RAB21: variants seen among roughly 807,000 people sequenced by gnomAD.
The protein encoded by RAB21 is ras-related protein Rab-21.
RAB21 carries 13 observed loss-of-function variants against 33.1 expected under a neutral mutation model. That is an observed-to-expected ratio of 0.39 (90% confidence interval 0.26 to 0.62). RAB21 has a LOEUF of 0.62. Among genes scored for constraint, RAB21 ranks in the 20% least tolerant of loss-of-function variants. The pLI is 0.48. For synonymous variants in RAB21, 91 were observed against 103.7 expected (o/e 0.88, Z 0.74); for missense variants, 234 against 279.1 (o/e 0.84, Z 1.15).
At chr12:71,782,135 C>T in intron 5 of RAB21, 50 bp downstream of exon 5, 2 of 1,500,272 alleles carry the variant, frequency 1.3e-6, no homozygotes, top group Non-Finnish European at 1.8e-6. Context: ...TAGAAATCTT[C>T]CTCTTTATAC....
chr12:71,770,978 A>G (rs771211690), intron 3 of RAB21, among the ~76,000 whole-genome samples: 20 of 152,318 alleles, frequency 1.3e-4, no homozygotes, highest in Non-Finnish European at 2.1e-4. Context: ...GAAGGGAAAT[A>G]TTTGAAATTG....
chr12:71,786,063 G>GGCTAATTTTT lies in RAB21; in HGVS notation c.*391_*400dup, dbSNP rs1565896573. Reference sequence around the variant, plus strand: ...ACTATAGGCGCCCACCACGACGCCCGGCTAATTTTTTGTATTTTTAGTAGA... The same window carrying GGCTAATTTTT: ...ACTATAGGCGCCCACCACGACGCCCGGCTAATTTTTGCTAATTTTTTGTATTTTTAGTAGA... On this transcript the variant is annotated 3_prime_UTR_variant, in exon 7 of 7. Transcript: ENST00000261263. The GGCTAATTTTT allele has an allele frequency of 1.3e-5, 2 of 155,966 alleles. No individual in the cohort carries two copies. The highest frequency in any genetic ancestry group is 4.8e-5 in the African/African-American group (2 of 41,432). 9.7% of individuals were successfully genotyped at this position (155,966 alleles called of 1,614,324 possible). A position where few individuals can be genotyped will look rare whatever the true frequency, so the allele number is the denominator to read the frequency against.
Position 71,782,068 on chromosome 12 carries a change from C to T in RAB21, c.429C>T (p.Ser143=). ...KIDLEKERHV[S]IQEAESYAES... The stretch of plus-strand genomic sequence containing the variant: ...ACTTGGAAAAGGAGAGACATGTTTC[C>T]ATTCAAGAAGCAGAGTCGTAAGTAC... Residue 143 remains serine (S), a synonymous_variant, in exon 5 of 7, where the codon TCC becomes TCT. Transcript: ENST00000261263. 6.2e-7 allele frequency: 1 copy of T among 1,607,762 alleles called. No homozygotes were observed. Among genetic ancestry groups the T allele is most frequent in the Non-Finnish European group, 8.5e-7 (1 of 1,174,678 alleles).
In RAB21 at chr12:71,755,174, C is replaced by T; in HGVS notation, c.45C>T (p.Gly15=). Residue 15 remains glycine, a synonymous_variant, in exon 1 of 7, where the codon GGC becomes GGT. Transcript: ENST00000261263. ...GCGGCGGCGGGGCGGCGGCGGCGGG[C>T]CGAGCCTACTCGTTCAAGGTGGTGC... ...GGGGGGAAAA[G]RAYSFKVVLL... 7.3e-7 allele frequency: 1 copy of T among 1,378,954 alleles called. No individual in the cohort carries two copies. The highest frequency in any genetic ancestry group is 9.4e-7 in the Non-Finnish European group (1 of 1,064,922). 85.4% of individuals were successfully genotyped at this position (1,378,954 alleles called of 1,614,324 possible). A position where few individuals can be genotyped will look rare whatever the true frequency, so the allele number is the denominator to read the frequency against.
At chr12:71,774,813 A>C (rs533379526) in intron 4 of RAB21, among the ~76,000 whole-genome samples, 1 of 152,018 alleles carries the variant, frequency 6.6e-6, no homozygotes, top group East Asian at 1.9e-4. Context: ...CAGGAGATTC[A>C]AACTCTAAGG....
chr12:71,782,596 A>G lies in RAB21; in HGVS notation c.473A>G (p.His158Arg). 1 of 1,602,732 alleles carries G rather than the reference A, an allele frequency of 6.2e-7. No homozygotes were observed. Among genetic ancestry groups the G allele is most frequent in the South Asian group, 1.1e-5 (1 of 89,652 alleles). ...TATGCAGAATCTGTGGGAGCAAAACATTATCATACTTCAGCCAAACAGAAC... is the reference window on the plus strand; with the variant it reads ...TATGCAGAATCTGTGGGAGCAAAACGTTATCATACTTCAGCCAAACAGAAC... ...ESYAESVGAK[H>R]YHTSAKQNKG... Residue 158 changes from histidine (H) to arginine (R), a missense_variant, in exon 6 of 7, where the codon CAT becomes CGT. Physicochemically the swap from His to Arg is conservative, Grantham distance 29. Transcript: ENST00000261263.
chr12:71,756,772 A>G (rs1882791459), intron 1 of RAB21, among the ~76,000 whole-genome samples: 2 of 152,234 alleles, frequency 1.3e-5, no homozygotes, highest in African/African-American at 4.8e-5. Flanking sequence ...TACTTAGGTA[A>G]AGTAGTAACA....
intron 6 of RAB21, among the ~76,000 whole-genome samples, chr12:71,784,315 T>C (rs536047579): frequency 1.3e-5 from 2 of 152,230 alleles, no homozygotes; most frequent in African/African-American, 4.8e-5. Flanking sequence ...AGGTCCAGTT[T>C]ATCTATTTTT....
chr12:71,768,776 A>G (rs146492634), intron 1 of RAB21, among the ~76,000 whole-genome samples: 241 of 152,328 alleles, frequency 1.6e-3, no homozygotes, highest in African/African-American at 5.5e-3. Context: ...GTTCAGTGCT[A>G]TACAGAAGAA....
intron 1 of RAB21, among the ~76,000 whole-genome samples, chr12:71,759,193 G>T (rs1276410452): frequency 6.6e-6 from 1 of 152,156 alleles, no homozygotes; most frequent in African/African-American, 2.4e-5. Context: ...TTTTAATTTG[G>T]ATTCTGTAAT....
At chr12:71,784,673 A>G (rs1054935705) in intron 6 of RAB21, among the ~76,000 whole-genome samples, 6 of 151,888 alleles carry the variant, frequency 4.0e-5, no homozygotes, top group Admixed American at 1.3e-4. Context: ...CCACTGATCT[A>G]TTTCTCCTAT....
At chr12:71,782,476 T>C in intron 5 of RAB21, 94 bp from the exon 6 acceptor site, 2 of 768,840 alleles carry the variant, frequency 2.6e-6, no homozygotes, top group Non-Finnish European at 4.1e-6. Flanking sequence ...TTGAGTAAAT[T>C]AATATGTCAC....
chr12:71,770,472 G>A, intron 2 of RAB21, 120 bp from the exon 3 acceptor site: 1 of 712,874 alleles, frequency 1.4e-6, no homozygotes. Flanking sequence ...TGTTAATAGG[G>A]TTTTGTGGTT....
intron 4 of RAB21, among the ~76,000 whole-genome samples, chr12:71,781,753 A>G (rs1035234037): frequency 6.6e-6 from 1 of 152,296 alleles, no homozygotes; most frequent in East Asian, 1.9e-4. Flanking sequence ...ATCCCCCAAA[A>G]TCAAAAAAGA....
Position 71,786,204 on chromosome 12 carries a change from A to G in RAB21, c.*531A>G, listed in dbSNP as rs1392960835. The G allele has an allele frequency of 6.5e-6, 1 of 152,732 alleles. No individual in the cohort carries two copies. Among genetic ancestry groups the G allele is most frequent in the Non-Finnish European group, 1.5e-5 (1 of 68,132 alleles). 9.5% of individuals were successfully genotyped at this position (152,732 alleles called of 1,614,324 possible). On this transcript the variant is annotated 3_prime_UTR_variant, in exon 7 of 7. Transcript: ENST00000261263. The stretch of plus-strand genomic sequence containing the variant: ...GCGTGAGCCACCGTGCCCGGCCTAC[A>G]AATGTTAACAAAGCAATTACCAATG...
Position 71,790,396 on chromosome 12 carries a change from TGA to T in RAB21, c.*4728_*4729del, listed in dbSNP as rs980699632. 5 of 139,494 alleles carry T rather than the reference TGA, an allele frequency of 3.6e-5. No individual in the cohort carries two copies. Among genetic ancestry groups the T allele is most frequent in the African/African-American group, 1.1e-4 (4 of 37,486 alleles). The allele number at this position is 139,494 out of a possible 1,614,324, so 8.6% of individuals were successfully genotyped here. On this transcript the variant is annotated 3_prime_UTR_variant, in exon 7 of 7. Coordinates refer to ENST00000261263, the MANE Select transcript of RAB21 (RefSeq NM_014999.4). ...TTACATTTGAACATGTGTAGATCAA[TGA>T]GAGAATGGTGAGGGATAGCAAGGAT...
chr12:71,764,343 A>C (rs1882927026), intron 1 of RAB21, among the ~76,000 whole-genome samples: 1 of 152,222 alleles, frequency 6.6e-6, no homozygotes, highest in African/African-American at 2.4e-5. Flanking sequence ...CAGAGTAATT[A>C]TTATAACTAC....
intron 4 of RAB21, among the ~76,000 whole-genome samples, chr12:71,778,180 A>G (rs1232430785): frequency 6.6e-6 from 1 of 152,202 alleles, no homozygotes; most frequent in African/African-American, 2.4e-5. Context: ...TCCATGTGCT[A>G]ACCAGTAATA....
In RAB21 at chr12:71,754,968, C is replaced by T; in HGVS notation, c.-162C>T. 1 of 621,850 alleles carries T rather than the reference C, an allele frequency of 1.6e-6. No individual in the cohort carries two copies. Among genetic ancestry groups the T allele is most frequent in the Non-Finnish European group, 2.0e-6 (1 of 494,554 alleles). 38.5% of individuals were successfully genotyped at this position (621,850 alleles called of 1,614,324 possible). A position where few individuals can be genotyped will look rare whatever the true frequency, so the allele number is the denominator to read the frequency against. On this transcript the variant is annotated 5_prime_UTR_variant, in exon 1 of 7. Coordinates refer to ENST00000261263, the MANE Select transcript of RAB21 (RefSeq NM_014999.4). The stretch of plus-strand genomic sequence containing the variant: ...TGGGGCCCTTCATTCTCGGACTTTC[C>T]CTCAGCCCTTCCAGGCCTCGCCCGA...
Sources: gnomAD v4.1 joint callset for allele counts (sites outside exome capture counted in the v4.1 genomes callset) on GRCh38, gnomAD v4.1.1 for gene constraint, MANE v1.5 for transcripts, NCBI Gene and HGNC (gene_info 2026-07-23, HGNC 2026-07-21) for gene names.